The following PLA1A variants were observed in gnomAD, a reference collection of about 807,000 sequenced individuals.
PLA1A encodes phosphatidylserine-specific phospholipase A1alpha.
Under a neutral mutation model 49.4 loss-of-function variants are expected in PLA1A, and 47 were observed. The ratio of observed to expected loss-of-function variants is 0.95; its 90% CI spans 0.75 to 1.21. The LOEUF (loss-of-function observed/expected upper bound fraction) is 1.21. PLA1A is among the 50% of genes most tolerant of loss of function. The pLI, the probability that PLA1A is intolerant of heterozygous loss-of-function variation, is 0.00. For missense variants in PLA1A, 561 were observed against 563.9 expected, an observed-to-expected ratio of 0.99 and a Z score of 0.05; for synonymous variants, 224 against 207.9, an observed-to-expected ratio of 1.08 and a Z score of -0.67.
chr3:119,618,206 A>C lies in PLA1A; in HGVS notation c.922+20A>C. 4 of 1,588,690 alleles carry C rather than the reference A, an allele frequency of 2.5e-6. No homozygotes were observed. Among genetic ancestry groups the C allele is most frequent in the Non-Finnish European group, 3.4e-6 (4 of 1,165,166 alleles). On this transcript the variant is annotated intron_variant, in intron 7 of 10. Coordinates refer to ENST00000273371, the MANE Select transcript of PLA1A (RefSeq NM_015900.4). ...GGATAGGTAAAGTGCTACCCCTTTG[A>C]CTTCCTTTGACAATGTGGGGAAGTT...
intron 1 of PLA1A, among the ~76,000 whole-genome samples, chr3:119,603,326 A>G (rs2082642507): frequency 6.6e-6 from 1 of 152,236 alleles, no homozygotes; most frequent in South Asian, 2.1e-4. Flanking sequence ...TGAATATTTC[A>G]TTCTGATGGT....
chr3:119,625,041 C>A, intron 8 of PLA1A, 83 bp from the exon 9 acceptor site: 1 of 809,868 alleles, frequency 1.2e-6, no homozygotes, highest in East Asian at 2.5e-5. Flanking sequence ...CCAAGATTCC[C>A]AACCACACTG....
chr3:119,607,017 A>G, intron 2 of PLA1A, 42 bp downstream of exon 2: 1 of 1,481,288 alleles, frequency 6.8e-7, no homozygotes, highest in Non-Finnish European at 9.4e-7. Flanking sequence ...ACTAAGAATG[A>G]TCAAGTAACC....
In PLA1A at chr3:119,629,495, T is replaced by G. The variant is rs763506672; in HGVS notation, c.*27T>G. 12 of 1,183,218 alleles carry G rather than the reference T, an allele frequency of 1.0e-5. No homozygotes were observed. The highest frequency in any genetic ancestry group is 1.5e-5 in the Non-Finnish European group (12 of 823,108). The allele number at this position is 1,183,218 out of a possible 1,614,324, so 73.3% of individuals were successfully genotyped here. A position where few individuals can be genotyped will look rare whatever the true frequency, so the allele number is the denominator to read the frequency against. ...TTAACCTGGGCAGGACACATCTCCC[T>G]GCATTTTTTTTTTTTTTTTGAGAGA... On this transcript the variant is annotated 3_prime_UTR_variant, in exon 11 of 11. Transcript: ENST00000273371.
intron 1 of PLA1A, among the ~76,000 whole-genome samples, chr3:119,603,583 C>A (rs1216688720): frequency 1.3e-5 from 2 of 152,136 alleles, no homozygotes; most frequent in African/African-American, 4.8e-5. Flanking sequence ...TAATCTAAGT[C>A]TTTCCCTTCT....
intron 1 of PLA1A, among the ~76,000 whole-genome samples, chr3:119,602,209 A>G (rs987414087): frequency 6.6e-6 from 1 of 152,076 alleles, no homozygotes; most frequent in African/African-American, 2.4e-5. Context: ...CCCATTTTCT[A>G]TTCCTGGAAC....
Position 119,629,476 on chromosome 3 carries a change from T to C in PLA1A, c.*8T>C, listed in dbSNP as rs914400112. 8 of 1,492,568 alleles carry C rather than the reference T, an allele frequency of 5.4e-6. No homozygotes were observed. The Admixed American group carries it at 6.8e-5, about 13-fold the overall frequency. 92.5% of individuals were successfully genotyped at this position (1,492,568 alleles called of 1,614,324 possible). A position where few individuals can be genotyped will look rare whatever the true frequency, so the allele number is the denominator to read the frequency against. ...AAGATAGCCTGTGTGTAGTTTAACC[T>C]GGGCAGGACACATCTCCCTGCATTT... On this transcript the variant is annotated 3_prime_UTR_variant, in exon 11 of 11. Transcript: ENST00000273371.
Position 119,618,176 on chromosome 3 carries a change from C to A in PLA1A, c.912C>A (p.Cys304Ter), listed in dbSNP as rs1374075149. Residue 304 changes from cysteine to a stop codon, truncating the protein, a stop_gained, in exon 7 of 11, where the codon TGC (cysteine) becomes TGA (stop). Transcript: ENST00000273371. LOFTEE classifies it high-confidence loss of function. ...GCTTTAACCCTTTTCTGCTTTCCTG[C>A]CCAAGGATAGGTAAAGTGCTACCCC... Reference protein sequence around the residue: ...LDCFNPFLLSCPRIGLVEQGG... With the variant: ...LDCFNPFLLS 6.2e-7 allele frequency: 1 copy of A among 1,612,408 alleles called. No individual in the cohort carries two copies. Among genetic ancestry groups the A allele is most frequent in the Non-Finnish European group, 8.5e-7 (1 of 1,179,146 alleles).
chr3:119,617,836 G>C (rs1240794033), intron 6 of PLA1A, among the ~76,000 whole-genome samples, 183 bp from the exon 7 acceptor site: 1 of 152,104 alleles, frequency 6.6e-6, no homozygotes, highest in Non-Finnish European at 1.5e-5. Flanking sequence ...CTCAGGAAAA[G>C]TAAAATGAAA....
chr3:119,617,641 A>C (rs1355961710), intron 6 of PLA1A, among the ~76,000 whole-genome samples: 2 of 151,770 alleles, frequency 1.3e-5, no homozygotes, highest in Non-Finnish European at 2.9e-5. Context: ...TACTCAGGAG[A>C]CTGAGGCAGG....
chr3:119,616,485 T>C (rs1330058968), intron 6 of PLA1A, among the ~76,000 whole-genome samples: 1 of 152,240 alleles, frequency 6.6e-6, no homozygotes, highest in African/African-American at 2.4e-5. Flanking sequence ...ACTGTACATT[T>C]CCTCTCTTTA....
intron 1 of PLA1A, among the ~76,000 whole-genome samples, chr3:119,604,464 C>T (rs1348555469): frequency 5.9e-5 from 9 of 152,132 alleles, no homozygotes; most frequent in Admixed American, 5.9e-4. Flanking sequence ...TTTGCAGCAA[C>T]ATGGATGGAA....
At chr3:119,625,349 CG>C in intron 9 of PLA1A, 117 bp downstream of exon 9, 1 of 675,188 alleles carries the variant, frequency 1.5e-6, no homozygotes, top group Middle Eastern at 2.5e-4. Context: ...TGGGCCCAGC[CG>C]GCTTGGCTGG....
intron 1 of PLA1A, among the ~76,000 whole-genome samples, chr3:119,599,158 C>G (rs908251801): frequency 6.6e-6 from 1 of 152,156 alleles, no homozygotes; most frequent in Non-Finnish European, 1.5e-5. Context: ...TTCTTTGTAG[C>G]TATGTGACCT....
intron 8 of PLA1A, among the ~76,000 whole-genome samples, chr3:119,623,976 TG>T (rs1355596763): frequency 6.6e-6 from 1 of 152,060 alleles, no homozygotes; most frequent in East Asian, 1.9e-4. Context: ...CCACCCGCCT[TG>T]GCCTCCCAAA....
At chr3:119,611,754 T>C (rs1485860027) in intron 4 of PLA1A, among the ~76,000 whole-genome samples, 1 of 152,232 alleles carries the variant, frequency 6.6e-6, no homozygotes, top group Non-Finnish European at 1.5e-5. Flanking sequence ...TAGAAGTCTT[T>C]GGTCAAACCT....
At chr3:119,605,840 G>T (rs556245258) in intron 1 of PLA1A, among the ~76,000 whole-genome samples, 1 of 152,360 alleles carries the variant, frequency 6.6e-6, no homozygotes, top group East Asian at 1.9e-4. Context: ...CTTTGCCAGA[G>T]AATTTCCATT....
rs1483002156 is a variant in PLA1A at position 119,628,767 on chromosome 3, A to G, written c.1188A>G (p.Gln396=). ...CCACCCCACAATGCCAGATAAACCA[A>G]GTGAAATTCAAGTTTCAGTCTTCCA... ...AHATPQCQIN[Q]VKFKFQSSNR... Residue 396 remains glutamine, a synonymous_variant, in exon 10 of 11, where the codon CAA becomes CAG. Transcript: ENST00000273371. 1 of 1,614,122 alleles carries G rather than the reference A, an allele frequency of 6.2e-7. No homozygotes were observed. The highest frequency in any genetic ancestry group is 2.2e-5 in the East Asian group (1 of 44,892).
chr3:119,603,710 G>A (rs1216945713), intron 1 of PLA1A, among the ~76,000 whole-genome samples: 4 of 152,184 alleles, frequency 2.6e-5, no homozygotes, highest in African/African-American at 9.7e-5. Flanking sequence ...TATGGTTTGG[G>A]CTGCTTCACA....
Sources: allele counts gnomAD v4.1 joint callset (sites outside exome capture counted in the v4.1 genomes callset), GRCh38; gene constraint gnomAD v4.1.1; transcripts MANE v1.5; gene names NCBI Gene and HGNC (gene_info 2026-07-23, HGNC 2026-07-21).